Variants in TICRR observed in about 807,000 individuals in gnomAD.
TICRR encodes TOPBP1 interacting checkpoint and replication regulator, also known as treslin.
A neutral mutation model predicts 178.1 loss-of-function variants in TICRR; 132 were observed. The ratio of observed to expected loss-of-function variants is 0.74; its 90% CI spans 0.64 to 0.86. The LOEUF (loss-of-function observed/expected upper bound fraction) is 0.86, where lower values mean the gene tolerates loss of function less well. TICRR is among the 40% of genes least tolerant of loss of function. The pLI is 0.00. For missense variants in TICRR, 2,587 were observed against 2,334.3 expected, an observed-to-expected ratio of 1.11 and a Z score of -2.23; for synonymous variants, 991 against 900.7, an observed-to-expected ratio of 1.10 and a Z score of -1.79.
rs188525807 is a variant in TICRR, at chr15:89,623,879, C to T, written c.3569C>T (p.Thr1190Met). ...TQAGEGTSLE[T>M]KTPRTPKRQG... The stretch of plus-strand genomic sequence containing the variant: ...GCAGGAGAAGGTACCTCTCTTGAAA[C>T]GAAGACACCAAGAACTCCTAAGAGG... The change falls in exon 20 of 22, where the codon ACG (threonine) becomes ATG (methionine). Residue 1190 changes from threonine to methionine, a missense_variant. Physicochemically the swap from Thr to Met is moderately conservative, Grantham distance 81. Coordinates refer to ENST00000268138, the MANE Select transcript of TICRR (RefSeq NM_152259.4). The T allele has an allele frequency of 1.2e-5, 19 of 1,613,950 alleles. No individual in the cohort carries two copies. The East Asian group carries it at 2.2e-4, about 19-fold the overall frequency.
At chr15:89,589,575 T>G (rs188697880) in intron 4 of TICRR, among the ~76,000 whole-genome samples, 1 of 152,306 alleles carries the variant, frequency 6.6e-6, no homozygotes, top group Non-Finnish European at 1.5e-5. Flanking sequence ...ATTTTTGGCC[T>G]TTCTCCCCTA....
At chr15:89,623,072 A>T (rs1963452540) in intron 19 of TICRR, among the ~76,000 whole-genome samples, 1 of 152,216 alleles carries the variant, frequency 6.6e-6, no homozygotes, top group East Asian at 1.9e-4. Flanking sequence ...GCTTTTCACT[A>T]CGTATTTTTG....
chr15:89,592,332 G>A (rs914404893), intron 5 of TICRR, among the ~76,000 whole-genome samples, 156 bp downstream of exon 5: 2 of 152,138 alleles, frequency 1.3e-5, no homozygotes, highest in African/African-American at 2.4e-5. Context: ...TATATATTGT[G>A]AGAGTATGTT....
chr15:89,577,411 A>G (rs112188706), intron 1 of TICRR, among the ~76,000 whole-genome samples: 7 of 152,218 alleles, frequency 4.6e-5, no homozygotes, highest in African/African-American at 1.7e-4. Context: ...ATGTTCATTG[A>G]GAAGCCAGTA....
Position 89,624,984 on chromosome 15 carries a change from CTA to C in TICRR, c.4676_4677del (p.Tyr1559Ter), listed in dbSNP as rs1224354316. Reference sequence around the variant, plus strand: ...CCACAGACTCTGCCAGCCCACAGACCTATGAGGTTGAGCTGGAGATGCAAGCT... The same window carrying C: ...CCACAGACTCTGCCAGCCCACAGACCTGAGGTTGAGCTGGAGATGCAAGCT... ...HSTDSASPQT[Y>X]EVELEMQASG... On this transcript the variant is annotated frameshift_variant, in exon 20 of 22. Transcript: ENST00000268138. LOFTEE classifies it high-confidence loss of function. 6.2e-7 allele frequency: 1 copy of C among 1,613,980 alleles called. No individual in the cohort carries two copies. The highest frequency in any genetic ancestry group is 8.5e-7 in the Non-Finnish European group (1 of 1,180,040).
In TICRR at chr15:89,582,843, A is replaced by G. The variant is rs373708469; in HGVS notation, c.812A>G (p.His271Arg). ...GGAATAAAGCTGTCAAGTGAACCTCATCTTTCTCCGTGGATTTCAATGCTG... is the reference window on the plus strand; with the variant it reads ...GGAATAAAGCTGTCAAGTGAACCTCGTCTTTCTCCGTGGATTTCAATGCTG... ...RSGIKLSSEP[H>R]LSPWISMLPT... is the part of the protein sequence containing the mutation. The change falls in exon 2 of 22, where the codon CAT becomes CGT. Residue 271 changes from histidine (H) to arginine (R), a missense_variant. Transcript: ENST00000268138. The G allele has an allele frequency of 1.9e-5, 30 of 1,614,046 alleles. No homozygotes were observed. The highest frequency in any genetic ancestry group is 2.4e-5 in the Non-Finnish European group (28 of 1,180,046).
intron 21 of TICRR, among the ~76,000 whole-genome samples, chr15:89,626,544 C>T (rs1036895142): frequency 6.6e-6 from 1 of 152,192 alleles, no homozygotes. Flanking sequence ...GGCCTGTTAA[C>T]TGCCCTGGTT....
intron 4 of TICRR, among the ~76,000 whole-genome samples, chr15:89,587,380 G>A (rs1436811648): frequency 6.6e-6 from 1 of 152,120 alleles, no homozygotes; most frequent in East Asian, 1.9e-4. Flanking sequence ...TAGAGATGAT[G>A]GGAGTCATCA....
At chr15:89,598,508 G>C (rs1024455693) in intron 7 of TICRR, among the ~76,000 whole-genome samples, 2 of 151,672 alleles carry the variant, frequency 1.3e-5, no homozygotes, top group African/African-American at 4.8e-5. Context: ...GATTAGAGGC[G>C]CCCGCCACTA....
chr15:89,600,719 TC>T, intron 9 of TICRR, 34 bp downstream of exon 9: 1 of 1,059,644 alleles, frequency 9.4e-7, no homozygotes, highest in South Asian at 1.5e-5. Flanking sequence ...AAATCATCAC[TC>T]TAAAAGCTGT....
rs76527829 is a variant in TICRR, at chr15:89,592,204, T to C, written c.1541+28T>C. ...AAAACGTTTTTATATCTCTTGAATA[T>C]TGATTATTAAAATCAACGTTCAGTT... On this transcript the variant is annotated intron_variant, in intron 5 of 21. Coordinates refer to ENST00000268138, the MANE Select transcript of TICRR (RefSeq NM_152259.4). The C allele has an allele frequency of 5.3e-3, 8,353 of 1,582,538 alleles. 363 individuals are homozygous for C. In the African/African-American group the frequency reaches 0.098, roughly 19 times the overall value.
Position 89,627,420 on chromosome 15 carries a change from G to A in TICRR, c.*334G>A. On this transcript the variant is annotated 3_prime_UTR_variant, in exon 22 of 22. Coordinates refer to ENST00000268138, the MANE Select transcript of TICRR (RefSeq NM_152259.4). ...CAGGGGGCCACTCTGCCTCATTTAT[G>A]CAAATGGAGAAAGGCGCCCTCCCTG... 7.0e-6 allele frequency: 2 copies of A among 287,272 alleles called. No individual in the cohort carries two copies. Among genetic ancestry groups the A allele is most frequent in the Non-Finnish European group, 1.3e-5 (2 of 153,658 alleles). The allele number at this position is 287,272 out of a possible 1,614,324, so 17.8% of individuals were successfully genotyped here. A position where few individuals can be genotyped will look rare whatever the true frequency, so the allele number is the denominator to read the frequency against.
chr15:89,591,859 C>A, intron 4 of TICRR, 188 bp from the exon 5 acceptor site: 1 of 436,838 alleles, frequency 2.3e-6, no homozygotes, highest in Non-Finnish European at 4.1e-6. Flanking sequence ...GTATGTTTTT[C>A]AGTAGCATTT....
At chr15:89,598,868 G>A (rs932945495) in intron 7 of TICRR, among the ~76,000 whole-genome samples, 1 of 152,036 alleles carries the variant, frequency 6.6e-6, no homozygotes, top group African/African-American at 2.4e-5. Flanking sequence ...TAAGCTAGGT[G>A]TGGTGGCACA....
Position 89,625,335 on chromosome 15 carries a change from G to A in TICRR, c.5025G>A (p.Gly1675=). 1.9e-6 allele frequency: 3 copies of A among 1,614,134 alleles called. No homozygotes were observed. Among genetic ancestry groups the A allele is most frequent in the Non-Finnish European group, 2.5e-6 (3 of 1,180,040 alleles). The part of the protein sequence containing the change: ...VPWTPSPKHS[G]KTTPDIIKDW... ...GGACACCATCCCCCAAGCACAGTGG[G>A]AAGACAACTCCAGACATAATTAAAG... The change falls in exon 20 of 22, where the codon GGG becomes GGA. Residue 1675 remains glycine, a synonymous_variant. Transcript: ENST00000268138.
At chr15:89,610,626 G>T (rs1163552611) in intron 15 of TICRR, among the ~76,000 whole-genome samples, 2 of 152,094 alleles carry the variant, frequency 1.3e-5, no homozygotes, top group Non-Finnish European at 2.9e-5. Flanking sequence ...CATAGAGTTG[G>T]ATCATGTTTT....
intron 8 of TICRR, 95 bp downstream of exon 8, chr15:89,599,570 A>T (rs1963058968): frequency 2.4e-6 from 3 of 1,234,596 alleles, no homozygotes; most frequent in Non-Finnish European, 2.3e-6. Context: ...AATGTCTGTT[A>T]TGTCATATGT....
rs748034619 is a variant in TICRR at position 89,585,895 on chromosome 15, G to C, written c.1364G>C (p.Ser455Thr). The change falls in exon 4 of 22, where the codon AGT becomes ACT. Residue 455 changes from serine to threonine, a missense_variant. Ser to Thr is a moderately conservative substitution (Grantham distance 58). Coordinates refer to ENST00000268138, the MANE Select transcript of TICRR (RefSeq NM_152259.4). ...TASLFSDVVD[S>T]ILNQTHDSLA... Reference sequence around the variant, plus strand: ...TCCCTTTTCTCAGATGTTGTGGATAGTATATTGAATCAGACTCATGATTCG... The same window carrying C: ...TCCCTTTTCTCAGATGTTGTGGATACTATATTGAATCAGACTCATGATTCG... 1.9e-6 allele frequency: 3 copies of C among 1,614,188 alleles called. No homozygotes were observed. The highest frequency in any genetic ancestry group is 4.5e-5 in the East Asian group (2 of 44,886).
intron 7 of TICRR, among the ~76,000 whole-genome samples, chr15:89,598,112 TAG>T (rs1963028799): frequency 1.4e-5 from 2 of 146,338 alleles, no homozygotes; most frequent in Non-Finnish European, 3.0e-5. Flanking sequence ...AATCACTTGT[TAG>T]TTCCAGGAGT....
Sources: allele counts gnomAD v4.1 joint callset (sites outside exome capture counted in the v4.1 genomes callset), GRCh38; gene constraint gnomAD v4.1.1; transcripts MANE v1.5; gene names NCBI Gene and HGNC (gene_info 2026-07-23, HGNC 2026-07-21).